CPQ: variants seen among roughly 807,000 people sequenced by gnomAD.
CPQ encodes Ser-Met dipeptidase.
A neutral mutation model predicts 45.7 loss-of-function variants in CPQ; 37 were observed. The observed-to-expected ratio is 0.81, with a 90% CI of 0.62 to 1.07. CPQ has a LOEUF of 1.07. Ranked by LOEUF, CPQ falls within the 50% of genes least tolerant of loss-of-function variation. The probability of loss-of-function intolerance (pLI) is 0.00; values close to 1 mark genes in which losing one functional copy is unlikely to be tolerated. For synonymous variants in CPQ, 186 were observed against 205.8 expected (o/e 0.90, Z 0.82); for missense variants, 537 against 572.9 (o/e 0.94, Z 0.64).
At chr8:96,770,661 A>G (rs1429406890) in intron 1 of CPQ, among the ~76,000 whole-genome samples, 1 of 150,220 alleles carries the variant, frequency 6.7e-6, no homozygotes. Flanking sequence ...CTGGTACACT[A>G]CTATGTGGTT....
intron 4 of CPQ, among the ~76,000 whole-genome samples, chr8:96,911,320 T>A (rs1029766857): frequency 1.3e-5 from 2 of 152,220 alleles, no homozygotes; most frequent in African/African-American, 4.8e-5. Flanking sequence ...CATTTGATCA[T>A]TTGTTCCTGC....
chr8:96,815,436 A>G (rs1811215170), intron 2 of CPQ, among the ~76,000 whole-genome samples: 1 of 152,044 alleles, frequency 6.6e-6, no homozygotes, highest in African/African-American at 2.4e-5. Context: ...GCCAAAATAC[A>G]TACAACTTAA....
chr8:97,099,897 A>T (rs564957120), intron 7 of CPQ, among the ~76,000 whole-genome samples: 1 of 152,330 alleles, frequency 6.6e-6, no homozygotes, highest in East Asian at 1.9e-4. Context: ...TTAGAAAATT[A>T]TGAGAAAATA....
At chr8:97,042,802 G>A (rs1449670309) in intron 6 of CPQ, among the ~76,000 whole-genome samples, 3 of 152,168 alleles carry the variant, frequency 2.0e-5, no homozygotes, top group Non-Finnish European at 4.4e-5. Context: ...GGTTTTGAGT[G>A]AGTTTCTTAA....
chr8:96,654,824 T>A (rs1442249484), intron 1 of CPQ, among the ~76,000 whole-genome samples: 2 of 152,176 alleles, frequency 1.3e-5, no homozygotes, highest in Non-Finnish European at 2.9e-5. Flanking sequence ...TAGATGACAG[T>A]CCTGACCATA....
At chr8:96,873,029 A>G (rs1189610030) in intron 3 of CPQ, among the ~76,000 whole-genome samples, 1 of 151,792 alleles carries the variant, frequency 6.6e-6, no homozygotes, top group Non-Finnish European at 1.5e-5. Flanking sequence ...CATTTTGACC[A>G]TCTTCCTTCT....
intron 4 of CPQ, among the ~76,000 whole-genome samples, chr8:96,888,949 C>G (rs1350693578): frequency 1.3e-5 from 2 of 152,168 alleles, no homozygotes; most frequent in African/African-American, 4.8e-5. Context: ...GGGCAGTATG[C>G]TCTGAGCATA....
intron 6 of CPQ, among the ~76,000 whole-genome samples, chr8:97,032,111 C>T (rs1412663399): frequency 6.6e-6 from 1 of 152,146 alleles, no homozygotes; most frequent in African/African-American, 2.4e-5. Flanking sequence ...CAACAATATC[C>T]AGTTCACTCC....
At chr8:96,687,210 T>C (rs1310212143) in intron 1 of CPQ, among the ~76,000 whole-genome samples, 1 of 150,784 alleles carries the variant, frequency 6.6e-6, no homozygotes, top group Non-Finnish European at 1.5e-5. Context: ...TTTCTTTTTT[T>C]CTTTTTCTTT....
At chr8:96,902,668 C>T (rs931129990) in intron 4 of CPQ, among the ~76,000 whole-genome samples, 4 of 152,176 alleles carry the variant, frequency 2.6e-5, no homozygotes, top group African/African-American at 9.7e-5. Flanking sequence ...GTATCTCGGT[C>T]AGCAAGTTCC....
intron 2 of CPQ, among the ~76,000 whole-genome samples, chr8:96,806,611 C>CG (rs1811083486): frequency 6.6e-6 from 1 of 152,098 alleles, no homozygotes; most frequent in Admixed American, 6.6e-5. Context: ...AATTAAACAA[C>CG]GTTGAATTTA....
rs1239181924 is a variant in CPQ, at chr8:96,739,001, G to A, written c.-34-45863G>A. On this transcript the variant is annotated intron_variant, in intron 1 of 7. Transcript: ENST00000220763. ...AGTAATGGGATGGCTGGGTCAAATG[G>A]TATTTCTAGTTCTAGATCCCTGAGG... Among the ~76,000 whole-genome samples, 43 of 151,402 alleles carry A rather than the reference G, an allele frequency of 2.8e-4. 1 individual carries two copies. The highest frequency in any genetic ancestry group is 2.2e-3 in the Admixed American group (33 of 15,184).
At chr8:96,775,642 C>T (rs1225136729) in intron 1 of CPQ, among the ~76,000 whole-genome samples, 1 of 152,298 alleles carries the variant, frequency 6.6e-6, no homozygotes, top group East Asian at 1.9e-4. Flanking sequence ...AACTGTGCAA[C>T]AACAATTTTG....
At chr8:96,938,691 C>T (rs534090641) in intron 4 of CPQ, among the ~76,000 whole-genome samples, 8 of 152,260 alleles carry the variant, frequency 5.3e-5, no homozygotes, top group African/African-American at 1.9e-4. Flanking sequence ...TGCTTCTAAG[C>T]GCCCCCATTG....
chr8:96,913,180 G>A (rs896188081), intron 4 of CPQ, among the ~76,000 whole-genome samples: 3 of 152,320 alleles, frequency 2.0e-5, no homozygotes, highest in African/African-American at 7.2e-5. Flanking sequence ...CATTGAGCAA[G>A]CAATTAGGCA....
chr8:97,035,440 C>T (rs1380313071), intron 6 of CPQ, among the ~76,000 whole-genome samples: 1 of 152,184 alleles, frequency 6.6e-6, no homozygotes, highest in Non-Finnish European at 1.5e-5. Context: ...CCAGAAACTG[C>T]TGAAGAGGTG....
At chr8:96,844,820 G>A (rs1175744779) in intron 3 of CPQ, among the ~76,000 whole-genome samples, 3 of 152,064 alleles carry the variant, frequency 2.0e-5, no homozygotes, top group Non-Finnish European at 4.4e-5. Flanking sequence ...TCCCGATTTC[G>A]GGAGCCCACT....
intron 1 of CPQ, among the ~76,000 whole-genome samples, chr8:96,739,877 G>A (rs1810056761): frequency 6.6e-6 from 1 of 152,074 alleles, no homozygotes; most frequent in Non-Finnish European, 1.5e-5. Flanking sequence ...TAGTAGTATA[G>A]TTTGAAGTCA....
intron 1 of CPQ, among the ~76,000 whole-genome samples, chr8:96,696,898 T>C (rs1427405685): frequency 6.6e-6 from 1 of 152,154 alleles, no homozygotes; most frequent in African/African-American, 2.4e-5. Context: ...AACCAAAGCC[T>C]GGGACTTGAT....
Sources: gnomAD v4.1 joint callset for allele counts (sites outside exome capture counted in the v4.1 genomes callset) on GRCh38, gnomAD v4.1.1 for gene constraint, MANE v1.5 for transcripts, NCBI Gene and HGNC (gene_info 2026-07-23, HGNC 2026-07-21) for gene names.